CSMD1: variants seen among roughly 807,000 people sequenced by gnomAD.
CSMD1 encodes the protein CUB and Sushi multiple domains 1, also known as CUB and sushi domain-containing protein 1.
In CSMD1, 213 loss-of-function variants were observed where a neutral mutation model predicts 417.5. The ratio of observed to expected loss-of-function variants is 0.51; its 90% CI spans 0.46 to 0.57. The LOEUF (loss-of-function observed/expected upper bound fraction) is 0.57. CSMD1 is among the 20% of genes least tolerant of loss of function. The probability of loss-of-function intolerance (pLI) is 0.00; values close to 1 mark genes in which losing one functional copy is unlikely to be tolerated. For synonymous variants in CSMD1, 2,862 were observed against 1,736.8 expected, an observed-to-expected ratio of 1.65 and a Z score of -16.11; for missense variants, 6,923 against 4,529.7, an observed-to-expected ratio of 1.53 and a Z score of -15.17.
At chr8:3,673,204 G>A (rs893991375) in intron 7 of CSMD1, among the ~76,000 whole-genome samples, 1 of 152,182 alleles carries the variant, frequency 6.6e-6, no homozygotes, top group African/African-American at 2.4e-5. Flanking sequence ...AACCACATAT[G>A]CCCCTGTGCA....
At chr8:4,399,483 C>T (rs764230113) in intron 3 of CSMD1, among the ~76,000 whole-genome samples, 3 of 152,144 alleles carry the variant, frequency 2.0e-5, no homozygotes, top group Admixed American at 2.0e-4. Flanking sequence ...TCCTCATGTT[C>T]ACGCTTAAGT....
chr8:3,256,172 A>T lies in CSMD1; in HGVS notation c.4154-25941T>A, dbSNP rs557686441. On this transcript the variant is annotated intron_variant, in intron 26 of 69. Coordinates refer to ENST00000635120, the MANE Select transcript of CSMD1 (RefSeq NM_033225.6). ...GTGAAACCTCCTCTGTACTAAAAAT[A>T]TAAAAATTAGCTGGGCGTGGTGGTG... Among the ~76,000 whole-genome samples, 7 of 152,264 alleles carry T rather than the reference A, an allele frequency of 4.6e-5. No individual in the cohort carries two copies. In the South Asian group the frequency reaches 1.2e-3, roughly 27 times the overall value.
Position 3,142,565 on chromosome 8 carries a change from C to T in CSMD1, c.6141G>A (p.Thr2047=). Residue 2047 remains threonine, a synonymous_variant, in exon 41 of 70, where the codon ACG becomes ACA. Transcript: ENST00000635120. ...TGCTCAGCAGGGCCGCGGGGAGATC[C>T]GTGCCGCTAAATTGTCCAATCATGG... ...TSPMIGQFSG[T]DLPAALLSTT... The T allele has an allele frequency of 1.2e-6, 2 of 1,613,904 alleles. No homozygotes were observed. The highest frequency in any genetic ancestry group is 1.7e-6 in the Non-Finnish European group (2 of 1,179,876).
chr8:3,425,583 G>C (rs959362781), intron 12 of CSMD1, among the ~76,000 whole-genome samples: 15 of 98,964 alleles, frequency 1.5e-4, no homozygotes, highest in African/African-American at 2.4e-4. Context: ...GCAAGATTCG[G>C]TCTCAAAAAA....
intron 5 of CSMD1, among the ~76,000 whole-genome samples, chr8:3,805,761 C>A (rs181335996): frequency 6.6e-6 from 1 of 152,072 alleles, no homozygotes; most frequent in African/African-American, 2.4e-5. Context: ...TCTTTGAGTC[C>A]GTCCCCTACC....
intron 5 of CSMD1, among the ~76,000 whole-genome samples, chr8:3,974,554 A>G (rs948554596): frequency 2.0e-5 from 3 of 152,042 alleles, no homozygotes; most frequent in Admixed American, 2.0e-4. Flanking sequence ...AAATATTTAA[A>G]TGTTTGCTTT....
chr8:3,702,579 C>G (rs1450564321), intron 7 of CSMD1, among the ~76,000 whole-genome samples: 2 of 152,118 alleles, frequency 1.3e-5, no homozygotes, highest in African/African-American at 2.4e-5. Context: ...GCCTGTAATC[C>G]CAGCACTTTG....
rs1800120792 is a variant in CSMD1, at chr8:3,796,296, C to CTATCATGTATACATA, written c.819-42255_819-42254insTATGTATACATGATA. Among the ~76,000 whole-genome samples, 7 of 36,154 alleles carry CTATCATGTATACATA rather than the reference C, an allele frequency of 1.9e-4. 1 individual carries two copies. The Admixed American group carries it at 2.0e-3, about 10-fold the overall frequency. The allele number at this position is 36,154 out of a possible 152,430, so 23.7% of individuals were successfully genotyped here. A position where few individuals can be genotyped will look rare whatever the true frequency, so the allele number is the denominator to read the frequency against. ...ATATATCTATCATGTATAGATATAT[C>CTATCATGTATACATA]TATCATGTATAGATATAGATATCTA... On this transcript the variant is annotated intron_variant, in intron 5 of 69. Coordinates refer to ENST00000635120, the MANE Select transcript of CSMD1 (RefSeq NM_033225.6).
intron 1 of CSMD1, among the ~76,000 whole-genome samples, chr8:4,786,326 G>C (rs972825018): frequency 6.6e-6 from 1 of 152,160 alleles, no homozygotes; most frequent in African/African-American, 2.4e-5. Context: ...TTTTAAAAAT[G>C]TGAATTTGGG....
rs186117673 is a variant in CSMD1 at position 3,547,693 on chromosome 8, C to G, written c.1344+27252G>C. 1.3e-3 allele frequency among the ~76,000 whole-genome samples: 194 copies of G among 152,200 alleles called. 1 individual carries two copies. The highest frequency in any genetic ancestry group is 4.6e-3 in the African/African-American group (190 of 41,530). On this transcript the variant is annotated intron_variant, in intron 10 of 69. Coordinates refer to ENST00000635120, the MANE Select transcript of CSMD1 (RefSeq NM_033225.6). ...CTACAACCTTTCTTTGGAGTTAAAT[C>G]TACTAAGCCTACCTATATGAAAAAC... is the stretch of plus-strand genomic sequence containing the variant.
chr8:4,256,212 G>A (rs972272776), intron 3 of CSMD1, among the ~76,000 whole-genome samples: 5 of 152,190 alleles, frequency 3.3e-5, no homozygotes, highest in African/African-American at 9.7e-5. Flanking sequence ...CTTACTCAAA[G>A]TAAGTGCATT....
intron 7 of CSMD1, 70 bp downstream of exon 7, chr8:3,708,344 T>C: frequency 2.2e-6 from 3 of 1,349,854 alleles, no homozygotes; most frequent in South Asian, 2.4e-5. Context: ...GGATCGCTTC[T>C]TAACTGCTCC....
At chr8:4,683,952 G>C (rs951844651) in intron 1 of CSMD1, among the ~76,000 whole-genome samples, 2 of 152,186 alleles carry the variant, frequency 1.3e-5, no homozygotes, top group African/African-American at 4.8e-5. Context: ...TTAATCAAAA[G>C]ATATTTATCA....
At chr8:3,979,701 A>G (rs1414436271) in intron 5 of CSMD1, among the ~76,000 whole-genome samples, 2 of 152,214 alleles carry the variant, frequency 1.3e-5, no homozygotes, top group East Asian at 3.9e-4. Context: ...CGCAATGCGT[A>G]CCCAGAACTG....
chr8:4,325,433 A>G (rs959744297), intron 3 of CSMD1, among the ~76,000 whole-genome samples: 7 of 152,160 alleles, frequency 4.6e-5, no homozygotes, highest in African/African-American at 1.7e-4. Context: ...AAGCCAGGCA[A>G]TACATGGTAT....
chr8:4,139,043 G>C (rs548228059), intron 3 of CSMD1, among the ~76,000 whole-genome samples: 1 of 152,236 alleles, frequency 6.6e-6, no homozygotes, highest in East Asian at 1.9e-4. Context: ...CAGCACCTGA[G>C]ACAGACTTGG....
chr8:3,204,727 G>A (rs977893761), intron 31 of CSMD1, among the ~76,000 whole-genome samples: 7 of 152,258 alleles, frequency 4.6e-5, no homozygotes, highest in African/African-American at 1.7e-4. Context: ...TGCTTTATAT[G>A]CAGAGTGAGT....
At chr8:3,724,881 T>C (rs754930995) in intron 6 of CSMD1, among the ~76,000 whole-genome samples, 4 of 152,224 alleles carry the variant, frequency 2.6e-5, no homozygotes, top group African/African-American at 7.2e-5. Context: ...ATTCAGACTA[T>C]TGTCGCTATT....
chr8:4,377,934 A>G (rs903038327), intron 3 of CSMD1, among the ~76,000 whole-genome samples: 2 of 152,244 alleles, frequency 1.3e-5, no homozygotes, highest in Non-Finnish European at 2.9e-5. Context: ...TACTTAACAA[A>G]TGGCCCTCAT....
Sources: gnomAD v4.1 joint callset for allele counts (sites outside exome capture counted in the v4.1 genomes callset) on GRCh38, gnomAD v4.1.1 for gene constraint, MANE v1.5 for transcripts, NCBI Gene and HGNC (gene_info 2026-07-23, HGNC 2026-07-21) for gene names.